The following CACHD1 variants were observed in gnomAD, a reference collection of about 807,000 sequenced individuals.
CACHD1 encodes the protein cache domain containing 1.
In CACHD1, 71 loss-of-function variants were observed where a neutral mutation model predicts 138.7. The observed-to-expected ratio is 0.51, with a 90% CI of 0.42 to 0.62. CACHD1 has a LOEUF of 0.62. CACHD1 is among the 20% of genes least tolerant of loss of function. The probability of loss-of-function intolerance (pLI) is 0.00; values close to 1 mark genes in which losing one functional copy is unlikely to be tolerated. For synonymous variants in CACHD1, 578 were observed against 591.5 expected, an observed-to-expected ratio of 0.98 and a Z score of 0.33; for missense variants, 1,389 against 1,625.3, an observed-to-expected ratio of 0.85 and a Z score of 2.50.
intron 1 of CACHD1, among the ~76,000 whole-genome samples, chr1:64,519,840 T>G (rs1646485515): frequency 6.9e-6 from 1 of 144,078 alleles, no homozygotes; most frequent in African/African-American, 2.5e-5. Flanking sequence ...GGTGCTTTTT[T>G]CTGGTGAATT....
At chr1:64,516,652 C>T (rs982925337) in intron 1 of CACHD1, among the ~76,000 whole-genome samples, 1 of 152,192 alleles carries the variant, frequency 6.6e-6, no homozygotes, top group African/African-American at 2.4e-5. Flanking sequence ...CTTGGTTTAG[C>T]TTATTACTCA....
chr1:64,686,210 C>T (rs1342305119), intron 26 of CACHD1, among the ~76,000 whole-genome samples: 1 of 152,090 alleles, frequency 6.6e-6, no homozygotes, highest in Admixed American at 6.6e-5. Context: ...CCATGTGAAT[C>T]CTTGAGTGTG....
intron 1 of CACHD1, among the ~76,000 whole-genome samples, chr1:64,536,631 C>G (rs1005725865): frequency 6.6e-6 from 1 of 152,168 alleles, no homozygotes; most frequent in African/African-American, 2.4e-5. Context: ...TGGTTGGTCA[C>G]TTATCACGTA....
chr1:64,613,889 C>T (rs1647615132), intron 4 of CACHD1, among the ~76,000 whole-genome samples: 1 of 152,138 alleles, frequency 6.6e-6, no homozygotes, highest in African/African-American at 2.4e-5. Flanking sequence ...CAGACCTGGT[C>T]TATTTCTGAG....
intron 15 of CACHD1, 131 bp downstream of exon 15, chr1:64,664,810 C>T (rs1649575865): frequency 1.3e-6 from 1 of 792,350 alleles, no homozygotes; most frequent in Non-Finnish European, 1.9e-6. Context: ...AAAAATGTTC[C>T]TGAATAGTTT....
At chr1:64,556,387 C>A (rs373859857) in intron 2 of CACHD1, among the ~76,000 whole-genome samples, 1 of 152,196 alleles carries the variant, frequency 6.6e-6, no homozygotes, top group African/African-American at 2.4e-5. Context: ...GAAAGGGAAC[C>A]GTTTCTTTAT....
rs187831562 is a variant in CACHD1 at position 64,598,109 on chromosome 1, G to A, written c.411-4697G>A. Among the ~76,000 whole-genome samples, 12 of 152,248 alleles carry A rather than the reference G, an allele frequency of 7.9e-5. No individual in the cohort carries two copies. The East Asian group carries it at 1.2e-3, about 15-fold the overall frequency. On this transcript the variant is annotated intron_variant, in intron 3 of 26. Coordinates refer to ENST00000651257, the MANE Select transcript of CACHD1 (RefSeq NM_020925.4). ...TGTTTTATCCCTGCGTGTGGAGTCC[G>A]GAGTCCAGAAAAAGCGGCAGGCATT... is the stretch of plus-strand genomic sequence containing the variant.
At chr1:64,634,918 C>T (rs1022600968) in intron 7 of CACHD1, among the ~76,000 whole-genome samples, 1 of 150,214 alleles carries the variant, frequency 6.7e-6, no homozygotes, top group Non-Finnish European at 1.5e-5. Flanking sequence ...ATCACTTGAA[C>T]CCAGGAGGCA....
At position 64,647,886 on chromosome 1, in the gene CACHD1, G is replaced by A. The variant is rs759945173; in HGVS notation, c.1242G>A (p.Met414Ile). ...NSGKYGVPDR[M>I]ALPVIKGSMM... ...GGAAGTACGGTGTGCCAGACCGGAT[G>A]GCCTTGCCTGTGATTAAGGGCAGCA... is the stretch of plus-strand genomic sequence containing the variant. The change falls in exon 9 of 27, where the codon ATG becomes ATA. Residue 414 changes from methionine (M) to isoleucine (I), a missense_variant. Met to Ile is a conservative substitution (Grantham distance 10). Coordinates refer to ENST00000651257, the MANE Select transcript of CACHD1 (RefSeq NM_020925.4). 2.9e-5 allele frequency: 46 copies of A among 1,613,944 alleles called. No homozygotes were observed. Among genetic ancestry groups the A allele is most frequent in the Non-Finnish European group, 3.4e-5 (40 of 1,179,982 alleles).
chr1:64,635,479 G>C (rs4418651), intron 7 of CACHD1, among the ~76,000 whole-genome samples: 117,035 of 148,964 alleles, frequency 0.79, 47,419 homozygotes, highest in Non-Finnish European at 0.87. Flanking sequence ...CACCTCCCGG[G>C]TTCAAGCGAT....
intron 3 of CACHD1, among the ~76,000 whole-genome samples, chr1:64,596,486 T>C (rs1253438072): frequency 2.0e-5 from 3 of 152,306 alleles, no homozygotes; most frequent in South Asian, 2.1e-4. Flanking sequence ...TGTTTCTCAG[T>C]GTCCAGAACC....
In CACHD1 at chr1:64,632,757, T is replaced by C. The variant is rs757208729; in HGVS notation, c.789+14T>C. The C allele has an allele frequency of 2.5e-6, 4 of 1,613,880 alleles. No homozygotes were observed. In the South Asian group the frequency reaches 3.3e-5, roughly 13 times the overall value. ...GAACATGACAAGGTGACCATGACCC[T>C]TGTGACCCCTATGGCATCAGGTTCT... On this transcript the variant is annotated intron_variant, in intron 6 of 26. Coordinates refer to ENST00000651257, the MANE Select transcript of CACHD1 (RefSeq NM_020925.4).
At chr1:64,484,232 G>A (rs1646228268) in intron 1 of CACHD1, among the ~76,000 whole-genome samples, 1 of 151,838 alleles carries the variant, frequency 6.6e-6, no homozygotes, top group Non-Finnish European at 1.5e-5. Context: ...GGAGGGGCTG[G>A]GGGCCTAGTA....
rs890153524 is a variant in CACHD1, at chr1:64,614,329, G to A, written c.517+11417G>A. ...TTATTTGGTCTGGACAGCTGAGTGG[G>A]CATCTGCCTATGCATTGTTCTTCTT... On this transcript the variant is annotated intron_variant, in intron 4 of 26. Transcript: ENST00000651257. Among the ~76,000 whole-genome samples, 3 of 151,922 alleles carry A rather than the reference G, an allele frequency of 2.0e-5. No individual in the cohort carries two copies. In the South Asian group the frequency reaches 6.2e-4, roughly 32 times the overall value.
Position 64,679,714 on chromosome 1 carries a change from C to T in CACHD1, c.3364C>T (p.His1122Tyr), listed in dbSNP as rs1191403506. 1 of 1,614,022 alleles carries T rather than the reference C, an allele frequency of 6.2e-7. No homozygotes were observed. Among genetic ancestry groups the T allele is most frequent in the African/African-American group, 1.3e-5 (1 of 74,932 alleles). The change falls in exon 24 of 27, where the codon CAT becomes TAT. Residue 1122 changes from histidine to tyrosine, a missense_variant. Physicochemically the swap from His to Tyr is moderately conservative, Grantham distance 83. Coordinates refer to ENST00000651257, the MANE Select transcript of CACHD1 (RefSeq NM_020925.4). ...LAVYAYRHQIHRRSHQHMSPL... is the reference protein window; with the variant it reads ...LAVYAYRHQIYRRSHQHMSPL... Reference sequence around the variant, plus strand: ...GGTGTATGCCTACCGCCACCAGATTCATCGCCGGAGCCATCAGCATATGTC... The same window carrying T: ...GGTGTATGCCTACCGCCACCAGATTTATCGCCGGAGCCATCAGCATATGTC...
chr1:64,664,053 C>T, intron 14 of CACHD1: 1 of 553,516 alleles, frequency 1.8e-6, no homozygotes, highest in Admixed American at 3.3e-5. Context: ...TGTTACAGGC[C>T]TTAGAAGCAC....
At chr1:64,681,541 G>GTTTTGTTTTTT (rs1553146853) in intron 25 of CACHD1, among the ~76,000 whole-genome samples, 1 of 68,132 alleles carries the variant, frequency 1.5e-5, no homozygotes, top group African/African-American at 7.3e-5. Context: ...ATTTTATTGT[G>GTTTTGTTTTTT]TTTTTTTTTT....
Position 64,606,927 on chromosome 1 carries a change from A to G in CACHD1, c.517+4015A>G, listed in dbSNP as rs1647360393. On this transcript the variant is annotated intron_variant, in intron 4 of 26. Coordinates refer to ENST00000651257, the MANE Select transcript of CACHD1 (RefSeq NM_020925.4). Reference sequence around the variant, plus strand: ...GAGTTGTCATTTATTGTGATGGGGAATGCTGGGAGAAGAGCAGGTTTGTGT... The same window carrying G: ...GAGTTGTCATTTATTGTGATGGGGAGTGCTGGGAGAAGAGCAGGTTTGTGT... Among the ~76,000 whole-genome samples the G allele has an allele frequency of 2.0e-5, 3 of 152,152 alleles. No homozygotes were observed. The South Asian group carries it at 6.2e-4, about 32-fold the overall frequency.
intron 7 of CACHD1, among the ~76,000 whole-genome samples, chr1:64,635,412 C>G (rs1486667814): frequency 7.7e-6 from 1 of 130,294 alleles, no homozygotes; most frequent in Non-Finnish European, 1.6e-5. Context: ...GAGACAGAGT[C>G]TCACTTTGTC....
Sources: gnomAD v4.1 joint callset for allele counts (sites outside exome capture counted in the v4.1 genomes callset) on GRCh38, gnomAD v4.1.1 for gene constraint, MANE v1.5 for transcripts, NCBI Gene and HGNC (gene_info 2026-07-23, HGNC 2026-07-21) for gene names.